Variants in RPS6KC1 observed in about 807,000 individuals in gnomAD.
The protein encoded by RPS6KC1 is inactive ribosomal protein S6 kinase delta-1.
RPS6KC1 carries 54 observed loss-of-function variants against 103.8 expected under a neutral mutation model. That is an observed-to-expected ratio of 0.52 (90% CI 0.42 to 0.65). RPS6KC1 has a LOEUF of 0.65. Ranked by LOEUF, RPS6KC1 falls within the 30% of genes least tolerant of loss-of-function variation. The probability of loss-of-function intolerance (pLI) is 0.00; values close to 1 mark genes in which losing one functional copy is unlikely to be tolerated. For synonymous variants in RPS6KC1, 439 were observed against 438.7 expected, an observed-to-expected ratio of 1.00 and a Z score of -0.01; for missense variants, 1,151 against 1,253.8, an observed-to-expected ratio of 0.92 and a Z score of 1.24.
At chr1:213,281,354 C>T in the RPS6KC1 span, among the ~76,000 whole-genome samples, 1 of 152,226 alleles carries the variant, frequency 6.6e-6, no homozygotes, top group African/African-American at 2.4e-5. Flanking sequence ...TTTTTATTGT[C>T]ATCTCTTCCT....
chr1:213,357,692 C>T, the RPS6KC1 span, among the ~76,000 whole-genome samples: 1 of 152,202 alleles, frequency 6.6e-6, no homozygotes, highest in Non-Finnish European at 1.5e-5. Context: ...GTGCCATTCA[C>T]TTCATCTGTA....
chr1:213,752,092 T>C, the RPS6KC1 span, among the ~76,000 whole-genome samples: 1 of 152,206 alleles, frequency 6.6e-6, no homozygotes, highest in African/African-American at 2.4e-5. Flanking sequence ...CTTTCATTCA[T>C]AGTAGCATTA....
In RPS6KC1 at chr1:213,205,547, G is replaced by GATATATATAT. The variant is rs764745657; in HGVS notation, c.1045-24939_1045-24930dup. Among the ~76,000 whole-genome samples the GATATATATAT allele has an allele frequency of 4.0e-3, 410 of 102,466 alleles. 24 individuals are homozygous for GATATATATAT. The highest frequency in any genetic ancestry group is 0.014 in the African/African-American group (393 of 27,336). The allele number at this position is 102,466 out of a possible 152,430, so 67.2% of individuals were successfully genotyped here. The stretch of plus-strand genomic sequence containing the variant: ...AACAACAAACTCATTTATATATATA[G>GATATATATAT]ATATATATATATATATATATTTCAA... On this transcript the variant is annotated intron_variant, in intron 8 of 14. Transcript: ENST00000366960.
chr1:213,610,036 A>G, the RPS6KC1 span, among the ~76,000 whole-genome samples: 4 of 152,272 alleles, frequency 2.6e-5, no homozygotes, highest in African/African-American at 9.6e-5. Context: ...TTTGTAAAGT[A>G]TCTTCGAGTA....
At chr1:213,833,648 C>T in the RPS6KC1 span, among the ~76,000 whole-genome samples, 7 of 152,126 alleles carry the variant, frequency 4.6e-5, no homozygotes, top group Non-Finnish European at 8.8e-5. Flanking sequence ...ATTTAATTTA[C>T]ATGGAAGCCT....
the RPS6KC1 span, among the ~76,000 whole-genome samples, chr1:213,558,536 C>T: frequency 6.6e-6 from 1 of 152,202 alleles, no homozygotes; most frequent in Non-Finnish European, 1.5e-5. Context: ...TCACAAACTA[C>T]CCATTGGAGC....
chr1:213,376,443 A>G, the RPS6KC1 span, among the ~76,000 whole-genome samples: 1 of 152,176 alleles, frequency 6.6e-6, no homozygotes, highest in African/African-American at 2.4e-5. Context: ...GTGTTAAAAA[A>G]TTTCAGCTAT....
chr1:213,652,267 G>T, the RPS6KC1 span, among the ~76,000 whole-genome samples: 1 of 152,176 alleles, frequency 6.6e-6, no homozygotes, highest in Non-Finnish European at 1.5e-5. Context: ...CTTTACATAT[G>T]TTAACTTTAA....
the RPS6KC1 span, chr1:213,843,371 G>A: frequency 6.6e-6 from 1 of 152,146 alleles, no homozygotes; most frequent in Non-Finnish European, 1.5e-5. Flanking sequence ...TCCAACTGAA[G>A]GTGGTTGGCT....
intron 8 of RPS6KC1, among the ~76,000 whole-genome samples, chr1:213,178,441 T>C (rs181061865): frequency 4.0e-5 from 6 of 151,834 alleles, no homozygotes; most frequent in African/African-American, 1.4e-4. Flanking sequence ...CTCTGGAGGC[T>C]GAGGCAGGAG....
the RPS6KC1 span, among the ~76,000 whole-genome samples, chr1:213,852,310 G>A: frequency 3.9e-5 from 6 of 151,918 alleles, no homozygotes; most frequent in African/African-American, 4.8e-5. Context: ...TGTTCTTGTC[G>A]CAGAAAATTT....
intron 11 of RPS6KC1, 135 bp from the exon 12 acceptor site, chr1:213,242,434 A>G: frequency 8.8e-7 from 1 of 1,131,358 alleles, no homozygotes; most frequent in Non-Finnish European, 1.3e-6. Flanking sequence ...CACCCCCAGT[A>G]ATAGCTTCTA....
chr1:213,126,995 A>AT (rs1320068262), intron 5 of RPS6KC1, among the ~76,000 whole-genome samples: 15 of 151,662 alleles, frequency 9.9e-5, no homozygotes, highest in African/African-American at 1.9e-4. Flanking sequence ...TTTCTTTTTA[A>AT]TTTTTTTTTC....
chr1:213,600,428 A>G, the RPS6KC1 span, among the ~76,000 whole-genome samples: 2 of 152,128 alleles, frequency 1.3e-5, no homozygotes, highest in African/African-American at 4.8e-5. Context: ...AGATATTGTC[A>G]TTTTGGTAAT....
the RPS6KC1 span, among the ~76,000 whole-genome samples, chr1:213,513,861 T>G: frequency 3.1e-3 from 479 of 152,302 alleles, 2 homozygotes; most frequent in African/African-American, 0.011. Context: ...CATGCACCAT[T>G]CCAGCCATCT....
the RPS6KC1 span, among the ~76,000 whole-genome samples, chr1:213,809,443 T>C: frequency 7.2e-5 from 11 of 152,186 alleles, no homozygotes; most frequent in Non-Finnish European, 1.3e-4. Context: ...AGACACAGTG[T>C]GAGCTCATGC....
chr1:213,114,759 C>T (rs12118106), intron 4 of RPS6KC1, among the ~76,000 whole-genome samples: 110,947 of 151,986 alleles, frequency 0.73, 41,332 homozygotes, highest in African/African-American at 0.88. Flanking sequence ...GTTTTTAGCA[C>T]GAAGGGTTGT....
At chr1:213,511,444 T>A in the RPS6KC1 span, among the ~76,000 whole-genome samples, 1 of 152,004 alleles carries the variant, frequency 6.6e-6, no homozygotes, top group Non-Finnish European at 1.5e-5. Context: ...TGGGGAGAGG[T>A]GTCCTGTGAA....
At chr1:213,740,398 G>A in the RPS6KC1 span, among the ~76,000 whole-genome samples, 20 of 152,086 alleles carry the variant, frequency 1.3e-4, no homozygotes, top group Admixed American at 1.3e-4. Flanking sequence ...AGCACAGTTA[G>A]CTAATATTTA....
Sources: allele counts gnomAD v4.1 joint callset (sites outside exome capture counted in the v4.1 genomes callset), GRCh38; gene constraint gnomAD v4.1.1; transcripts MANE v1.5; gene names NCBI Gene and HGNC (gene_info 2026-07-23, HGNC 2026-07-21).